Variants in CCDC30 observed in about 807,000 individuals in gnomAD.
The protein encoded by CCDC30 is coiled-coil domain containing 30, also known as coiled-coil domain-containing protein 30.
A neutral mutation model predicts 100.2 loss-of-function variants in CCDC30; 70 were observed. The ratio of observed to expected loss-of-function variants is 0.70; its 90% CI spans 0.58 to 0.85. The LOEUF (loss-of-function observed/expected upper bound fraction) is 0.85. Among genes scored for constraint, CCDC30 ranks in the 40% least tolerant of loss-of-function variants. The pLI is 0.00. For synonymous variants in CCDC30, 233 were observed against 269.5 expected (o/e 0.86, Z 1.33); for missense variants, 652 against 771.2 (o/e 0.85, Z 1.83).
chr1:42,553,419 C>T (rs1645296589), intron 6 of CCDC30, among the ~76,000 whole-genome samples: 1 of 128,826 alleles, frequency 7.8e-6, no homozygotes. Context: ...TTTAGTTGTA[C>T]TTAATGGTAA....
chr1:42,646,116 A>G lies in CCDC30; in HGVS notation c.1672-19A>G, dbSNP rs373647271. On this transcript the variant is annotated intron_variant, in intron 14 of 16. Coordinates refer to ENST00000668663, the Ensembl canonical transcript of CCDC30. ...ATACCTATTGAAATAAATAACTCCA[A>G]AATTGTTTTTAAACTTAGAATCTTA... 51 of 1,553,456 alleles carry G rather than the reference A, an allele frequency of 3.3e-5. No homozygotes were observed. The highest frequency in any genetic ancestry group is 4.4e-5 in the Non-Finnish European group (51 of 1,154,480).
intron 10 of CCDC30, among the ~76,000 whole-genome samples, chr1:42,608,634 G>C (rs1646554094): frequency 6.6e-6 from 1 of 151,678 alleles, no homozygotes; most frequent in South Asian, 2.1e-4. Context: ...GAACCCGGGA[G>C]GCGGAACTTG....
intron 15 of CCDC30, among the ~76,000 whole-genome samples, chr1:42,651,400 TA>T (rs1648331740): frequency 6.7e-6 from 1 of 149,132 alleles, no homozygotes; most frequent in East Asian, 2.0e-4. Flanking sequence ...ACAACCCAAT[TA>T]AAAAGTAGGC....
At chr1:42,622,110 T>A (rs1646850219) in intron 11 of CCDC30, among the ~76,000 whole-genome samples, 1 of 152,230 alleles carries the variant, frequency 6.6e-6, no homozygotes, top group South Asian at 2.1e-4. Context: ...CAGTCTCTGG[T>A]AACCATCTTG....
intron 6 of CCDC30, among the ~76,000 whole-genome samples, chr1:42,512,590 G>A (rs1644495189): frequency 6.6e-6 from 1 of 152,216 alleles, no homozygotes; most frequent in African/African-American, 2.4e-5. Flanking sequence ...CACATAGAGA[G>A]AGGATAGGAG....
intron 10 of CCDC30, chr1:42,594,400 G>C (rs911167509): frequency 6.6e-6 from 1 of 152,192 alleles, no homozygotes; most frequent in Admixed American, 6.6e-5. Flanking sequence ...TGCAGCTCTA[G>C]CTACATGGGA....
the CCDC30 span, chr1:42,456,539 G>A: frequency 6.9e-7 from 1 of 1,446,290 alleles, no homozygotes; most frequent in Non-Finnish European, 9.1e-7. Flanking sequence ...CGCGAAACGT[G>A]CGCAGGCGCC....
chr1:42,538,347 GAGAA>G (rs1304360947), intron 6 of CCDC30, among the ~76,000 whole-genome samples: 1 of 150,992 alleles, frequency 6.6e-6, no homozygotes, highest in Non-Finnish European at 1.5e-5. Flanking sequence ...AAAAAAAAAA[GAGAA>G]AGAGAAAAAA....
intron 6 of CCDC30, among the ~76,000 whole-genome samples, chr1:42,512,269 A>G (rs1411756672): frequency 2.0e-5 from 3 of 152,196 alleles, no homozygotes; most frequent in Non-Finnish European, 1.5e-5. Flanking sequence ...AGCATGTCAC[A>G]GTGCTGCTCA....
chr1:42,461,068 A>G (rs1006866015), upstream of CCDC30, among the ~76,000 whole-genome samples: 1 of 152,246 alleles, frequency 6.6e-6, no homozygotes. Flanking sequence ...GTCCAGGTGC[A>G]ATTTGAAAAA....
intron 6 of CCDC30, among the ~76,000 whole-genome samples, chr1:42,551,044 A>G (rs1645242106): frequency 6.6e-6 from 1 of 152,134 alleles, no homozygotes; most frequent in Non-Finnish European, 1.5e-5. Context: ...ACATATGTAT[A>G]CATGTGCCAT....
In CCDC30 at chr1:42,566,491, A is replaced by C; in HGVS notation, c.636+16A>C. 1 of 1,605,076 alleles carries C rather than the reference A, an allele frequency of 6.2e-7. No homozygotes were observed. The highest frequency in any genetic ancestry group is 1.1e-5 in the South Asian group (1 of 89,824). ...AAACATTAAGGTAACTCTTGTGGGCAAATGCTTTATGGAAGGGTTTCAGTT... is the reference window on the plus strand; with the variant it reads ...AAACATTAAGGTAACTCTTGTGGGCCAATGCTTTATGGAAGGGTTTCAGTT... On this transcript the variant is annotated intron_variant, in intron 7 of 16. Transcript: ENST00000668663.
intron 11 of CCDC30, among the ~76,000 whole-genome samples, chr1:42,629,207 C>A (rs1646987885): frequency 6.6e-6 from 1 of 152,212 alleles, no homozygotes; most frequent in African/African-American, 2.4e-5. Context: ...TCTTGTAGGA[C>A]AGAACCAGTG....
intron 15 of CCDC30, among the ~76,000 whole-genome samples, chr1:42,649,808 T>C (rs1389874344): frequency 1.3e-5 from 2 of 151,956 alleles, no homozygotes; most frequent in African/African-American, 4.8e-5. Context: ...AATAACACAT[T>C]ATCCAAAAAA....
intron 8 of CCDC30, chr1:42,580,765 AT>A: frequency 4.5e-6 from 2 of 445,954 alleles, no homozygotes; most frequent in Non-Finnish European, 8.9e-6. Flanking sequence ...TAAAAAACCT[AT>A]TATTGATGCT....
chr1:42,572,511 T>C (rs1371950794), intron 7 of CCDC30, among the ~76,000 whole-genome samples: 1 of 152,214 alleles, frequency 6.6e-6, no homozygotes. Flanking sequence ...ATTTTAATAT[T>C]CATTATTTTT....
At chr1:42,610,455 G>T (rs186884761) in intron 10 of CCDC30, among the ~76,000 whole-genome samples, 10 of 152,104 alleles carry the variant, frequency 6.6e-5, no homozygotes, top group Admixed American at 2.6e-4. Context: ...ACAGAGTCTG[G>T]CTCTGTCACC....
chr1:42,461,586 G>A (rs1025586395), upstream of CCDC30, among the ~76,000 whole-genome samples: 5 of 145,522 alleles, frequency 3.4e-5, no homozygotes, highest in East Asian at 4.0e-4. Context: ...TTGCTCTGTC[G>A]TCCTGGGTGG....
At chr1:42,624,546 C>T (rs1646897761) in intron 11 of CCDC30, among the ~76,000 whole-genome samples, 1 of 152,140 alleles carries the variant, frequency 6.6e-6, no homozygotes, top group Non-Finnish European at 1.5e-5. Context: ...GTGGTGTGAT[C>T]TTGGCTTACT....
Sources: allele counts gnomAD v4.1 joint callset (sites outside exome capture counted in the v4.1 genomes callset), GRCh38; gene constraint gnomAD v4.1.1; transcripts MANE v1.5; gene names NCBI Gene and HGNC (gene_info 2026-07-23, HGNC 2026-07-21).